The following ADPRS variants were observed in gnomAD, a reference collection of about 807,000 sequenced individuals.
ADPRS encodes ADP-ribosylhydrolase ARH3.
A neutral mutation model predicts 32.1 loss-of-function variants in ADPRS; 25 were observed. That is an observed-to-expected ratio of 0.78 (90% CI 0.57 to 1.09). ADPRS has a LOEUF of 1.09. Ranked by LOEUF, ADPRS falls within the 50% of genes least tolerant of loss-of-function variation. The pLI is 0.00. For synonymous variants in ADPRS, 225 were observed against 201.0 expected, an observed-to-expected ratio of 1.12 and a Z score of -1.01; for missense variants, 482 against 480.6, an observed-to-expected ratio of 1.00 and a Z score of -0.03.
intron 1 of ADPRS, 39 bp downstream of exon 1, chr1:36,089,154 G>C: frequency 1.4e-6 from 2 of 1,384,930 alleles, no homozygotes; most frequent in Non-Finnish European, 1.9e-6. Flanking sequence ...CCGTGCGGGA[G>C]GGAGGCCGAA....
Position 36,091,630 on chromosome 1 carries a change from G to T in ADPRS, c.321G>T (p.Glu107Asp). The T allele has an allele frequency of 6.2e-7, 1 of 1,602,982 alleles. No homozygotes were observed. The highest frequency in any genetic ancestry group is 8.5e-7 in the Non-Finnish European group (1 of 1,173,742). ...TTCTGTTCCCTAGATTTGCTCAGGA[G>T]TACAAGAAAGACCCTGACAGGGGCT... is the stretch of plus-strand genomic sequence containing the variant. Reference protein sequence around the residue: ...EVDMAHRFAQEYKKDPDRGYG... With the variant: ...EVDMAHRFAQDYKKDPDRGYG... Residue 107 changes from glutamate to aspartate, a missense_variant, in exon 3 of 6, where the codon GAG (glutamate) becomes GAT (aspartate). Coordinates refer to ENST00000373178, the MANE Select transcript of ADPRS (RefSeq NM_017825.3).
chr1:36,091,171 A>G, intron 1 of ADPRS, 73 bp from the exon 2 acceptor site: 2 of 1,373,214 alleles, frequency 1.5e-6, no homozygotes. Context: ...TCTGTCTCCA[A>G]AAAAAGCAAA....
rs1643516069 is a variant in ADPRS at position 36,093,564 on chromosome 1, A to T, written c.*178A>T. ...AGGTCACTGGAACAGCGAGCAAGGGACTGGTGCCTCGCTGGTGCTGGGTCT... is the reference window on the plus strand; with the variant it reads ...AGGTCACTGGAACAGCGAGCAAGGGTCTGGTGCCTCGCTGGTGCTGGGTCT... On this transcript the variant is annotated 3_prime_UTR_variant, in exon 6 of 6. Coordinates refer to ENST00000373178, the MANE Select transcript of ADPRS (RefSeq NM_017825.3). The T allele has an allele frequency of 1.0e-5, 8 of 776,634 alleles. No homozygotes were observed. In the South Asian group the frequency reaches 1.5e-4, roughly 15 times the overall value. The allele number at this position is 776,634 out of a possible 1,614,324, so 48.1% of individuals were successfully genotyped here.
In ADPRS at chr1:36,093,576, C is replaced by A. The variant is rs1369740358; in HGVS notation, c.*190C>A. On this transcript the variant is annotated 3_prime_UTR_variant, in exon 6 of 6. Coordinates refer to ENST00000373178, the MANE Select transcript of ADPRS (RefSeq NM_017825.3). ...CAGCGAGCAAGGGACTGGTGCCTCG[C>A]TGGTGCTGGGTCTCTGGTTTGCTGC... The A allele has an allele frequency of 1.4e-6, 1 of 708,046 alleles. No homozygotes were observed. The highest frequency in any genetic ancestry group is 1.8e-5 in the African/African-American group (1 of 55,964). 43.9% of individuals were successfully genotyped at this position (708,046 alleles called of 1,614,324 possible). A position where few individuals can be genotyped will look rare whatever the true frequency, so the allele number is the denominator to read the frequency against.
Position 36,089,132 on chromosome 1 carries a change from G to A in ADPRS, c.211+17G>A, listed in dbSNP as rs773923767. 7.1e-6 allele frequency: 10 copies of A among 1,403,144 alleles called. No homozygotes were observed. The highest frequency in any genetic ancestry group is 1.5e-5 in the African/African-American group (1 of 65,516). The allele number at this position is 1,403,144 out of a possible 1,614,324, so 86.9% of individuals were successfully genotyped here. On this transcript the variant is annotated intron_variant, in intron 1 of 5. Transcript: ENST00000373178. Reference sequence around the variant, plus strand: ...AGCGGACAGGTGGGCGGGGCCGGGCGCAAGTCAGAGGCCGTGCGGGAGGGA... The same window carrying A: ...AGCGGACAGGTGGGCGGGGCCGGGCACAAGTCAGAGGCCGTGCGGGAGGGA...
In ADPRS at chr1:36,088,954, C is replaced by T. The variant is rs1475593025; in HGVS notation, c.50C>T (p.Ala17Val). The change falls in exon 1 of 6, where the codon GCC becomes GTC. Residue 17 changes from alanine (A) to valine (V), a missense_variant. By Grantham distance (64) the Ala-to-Val change is moderately conservative. Coordinates refer to ENST00000373178, the MANE Select transcript of ADPRS (RefSeq NM_017825.3). ...GCGGCAGGTGGAGGGGCTGGCGCGG[C>T]CCGCTCCCTCTCGCGCTTCCGAGGC... ...AAAAGGGAGA[A>V]RSLSRFRGCL... 2.0e-6 allele frequency: 3 copies of T among 1,511,432 alleles called. No homozygotes were observed. Among genetic ancestry groups the T allele is most frequent in the Non-Finnish European group, 1.8e-6 (2 of 1,135,576 alleles). The allele number at this position is 1,511,432 out of a possible 1,614,324, so 93.6% of individuals were successfully genotyped here. A position where few individuals can be genotyped will look rare whatever the true frequency, so the allele number is the denominator to read the frequency against.
chr1:36,089,187 G>T, intron 1 of ADPRS, 72 bp downstream of exon 1: 1 of 1,363,798 alleles, frequency 7.3e-7, no homozygotes, highest in African/African-American at 1.5e-5. Flanking sequence ...CTCCGGGGGC[G>T]ACGGGTCGGG....
At chr1:36,093,052 A>G in intron 5 of ADPRS, 45 bp from the exon 6 acceptor site, 1 of 1,582,244 alleles carries the variant, frequency 6.3e-7, no homozygotes, top group Non-Finnish European at 8.6e-7. Context: ...AAATGGTAGG[A>G]GGCCTGGGGA....
At chr1:36,090,679 C>CG (rs767939474) in intron 1 of ADPRS, among the ~76,000 whole-genome samples, 1 of 65,330 alleles carries the variant, frequency 1.5e-5, no homozygotes, top group Non-Finnish European at 2.9e-5. Flanking sequence ...TCCATCTCTA[C>CG]AAAAAAAAAA....
In ADPRS at chr1:36,088,936, G is replaced by A. The variant is rs918091972; in HGVS notation, c.32G>A (p.Gly11Asp). ...GCAGCGGCGATGGCGGCAGCGGCAG[G>A]TGGAGGGGCTGGCGCGGCCCGCTCC... The part of the protein sequence containing the change: MAAAAMAAAA[G>D]GGAGAARSLS... The change falls in exon 1 of 6, where the codon GGT becomes GAT. Residue 11 changes from glycine to aspartate, a missense_variant. By Grantham distance (94) the Gly-to-Asp change is moderately conservative (BLOSUM62 -1). Transcript: ENST00000373178. The A allele has an allele frequency of 2.8e-5, 42 of 1,524,650 alleles. No individual in the cohort carries two copies. The African/African-American group carries it at 4.4e-4, about 16-fold the overall frequency. 94.4% of individuals were successfully genotyped at this position (1,524,650 alleles called of 1,614,324 possible).
At position 36,091,098 on chromosome 1, in the gene ADPRS, G is replaced by A. The variant is rs991689904; in HGVS notation, c.212-146G>A. 4.8e-6 allele frequency: 3 copies of A among 624,218 alleles called. No homozygotes were observed. The African/African-American group carries it at 5.5e-5, about 11-fold the overall frequency. The allele number at this position is 624,218 out of a possible 1,614,324, so 38.7% of individuals were successfully genotyped here. On this transcript the variant is annotated intron_variant, in intron 1 of 5. Transcript: ENST00000373178. ...GCAGAAGGATAGCTTGAGCCCAGGA[G>A]TTCAAGACTGCAGTGAGCCATGATT... is the stretch of plus-strand genomic sequence containing the variant.
rs747520525 is a variant in ADPRS at position 36,092,443 on chromosome 1, A to G, written c.723A>G (p.Pro241=). The G allele has an allele frequency of 7.4e-6, 12 of 1,614,062 alleles. No homozygotes were observed. The highest frequency in any genetic ancestry group is 2.2e-5 in the East Asian group (1 of 44,892). The part of the protein sequence containing the change: ...DARELGMEER[P]YSSRLKKIGE... The stretch of plus-strand genomic sequence containing the variant: ...ACAGGTTGGGCATGGAGGAGCGTCC[A>G]TACTCCAGCCGCCTGAAGAAGATTG... Residue 241 remains proline (P), a synonymous_variant, in exon 5 of 6, where the codon CCA becomes CCG. Coordinates refer to ENST00000373178, the MANE Select transcript of ADPRS (RefSeq NM_017825.3).
At position 36,091,148 on chromosome 1, in the gene ADPRS, A is replaced by C. The variant is rs1643474540; in HGVS notation, c.212-96A>C. On this transcript the variant is annotated intron_variant, in intron 1 of 5. Coordinates refer to ENST00000373178, the MANE Select transcript of ADPRS (RefSeq NM_017825.3). ...TGCACCAGTGCACTCCAGTCTGGGC[A>C]ACAGAGCGAGACTCTGTCTCCAAAA... The C allele has an allele frequency of 1.1e-5, 10 of 950,446 alleles. No homozygotes were observed. The Middle Eastern group carries it at 6.3e-4, about 60-fold the overall frequency. 58.9% of individuals were successfully genotyped at this position (950,446 alleles called of 1,614,324 possible). A position where few individuals can be genotyped will look rare whatever the true frequency, so the allele number is the denominator to read the frequency against.
Position 36,089,022 on chromosome 1 carries a change from T to C in ADPRS, c.118T>C (p.Tyr40His), listed in dbSNP as rs765754891. The change falls in exon 1 of 6, where the codon TAC becomes CAC. Residue 40 changes from tyrosine (Y) to histidine (H), a missense_variant. Physicochemically the swap from Tyr to His is moderately conservative, Grantham distance 83 (BLOSUM62 2). Transcript: ENST00000373178. ...ALLGDCVGSF[Y>H]EAHDTVDLTS... is the part of the protein sequence containing the mutation. ...GCTCGGGGACTGCGTGGGCTCCTTC[T>C]ACGAGGCCCACGACACCGTCGACCT... 1.0e-5 allele frequency: 15 copies of C among 1,476,636 alleles called. No individual in the cohort carries two copies. The South Asian group carries it at 2.1e-4, about 20-fold the overall frequency. 91.5% of individuals were successfully genotyped at this position (1,476,636 alleles called of 1,614,324 possible).
At chr1:36,089,204 C>T (rs1643443898) in intron 1 of ADPRS, 89 bp downstream of exon 1, 3 of 1,335,486 alleles carry the variant, frequency 2.2e-6, no homozygotes, top group Non-Finnish European at 2.9e-6. Flanking sequence ...CGGGGGTGCG[C>T]GGGGATGAGG....
chr1:36,088,933 C>T lies in ADPRS; in HGVS notation c.29C>T (p.Ala10Val), dbSNP rs1272158177. The T allele has an allele frequency of 4.6e-6, 7 of 1,526,892 alleles. No individual in the cohort carries two copies. The highest frequency in any genetic ancestry group is 1.2e-5 in the South Asian group (1 of 83,360). The allele number at this position is 1,526,892 out of a possible 1,614,324, so 94.6% of individuals were successfully genotyped here. MAAAAMAAA[A>V]GGGAGAARSL... The stretch of plus-strand genomic sequence containing the variant: ...GCCGCAGCGGCGATGGCGGCAGCGG[C>T]AGGTGGAGGGGCTGGCGCGGCCCGC... The change falls in exon 1 of 6, where the codon GCA (alanine) becomes GTA (valine). Residue 10 changes from alanine to valine, a missense_variant. Coordinates refer to ENST00000373178, the MANE Select transcript of ADPRS (RefSeq NM_017825.3).
At chr1:36,092,605 C>A in intron 5 of ADPRS, 83 bp downstream of exon 5, 1 of 1,299,836 alleles carries the variant, frequency 7.7e-7, no homozygotes, top group Non-Finnish European at 1.1e-6. Context: ...GGAGTCATGC[C>A]TGCCGTCGCA....
At chr1:36,092,164 A>G in intron 4 of ADPRS, 70 bp downstream of exon 4, 2 of 1,526,182 alleles carry the variant, frequency 1.3e-6, no homozygotes. Context: ...CATTGCCGCA[A>G]ACTGTAAACC....
At chr1:36,089,650 C>T (rs563760710) in intron 1 of ADPRS, among the ~76,000 whole-genome samples, 41 of 152,288 alleles carry the variant, frequency 2.7e-4, no homozygotes, top group African/African-American at 8.4e-4. Flanking sequence ...CTAATCGCGT[C>T]CTCCCCTGCC....
Sources: gnomAD v4.1 joint callset for allele counts (sites outside exome capture counted in the v4.1 genomes callset) on GRCh38, gnomAD v4.1.1 for gene constraint, MANE v1.5 for transcripts, NCBI Gene and HGNC (gene_info 2026-07-23, HGNC 2026-07-21) for gene names.